The following SORCS1 variants were observed in gnomAD, a reference collection of about 807,000 sequenced individuals.
The protein encoded by SORCS1 is VPS10 domain-containing receptor SorCS1.
SORCS1 carries 60 observed loss-of-function variants against 146.1 expected under a neutral mutation model. That is an observed-to-expected ratio of 0.41 (90% CI 0.33 to 0.51). SORCS1 has a LOEUF of 0.51. Ranked by LOEUF, SORCS1 falls within the 20% of genes least tolerant of loss-of-function variation. The pLI, the probability that SORCS1 is intolerant of heterozygous loss-of-function variation, is 0.21. For missense variants in SORCS1, 1,352 were observed against 1,487.6 expected, an observed-to-expected ratio of 0.91 and a Z score of 1.50; for synonymous variants, 637 against 584.0, an observed-to-expected ratio of 1.09 and a Z score of -1.31.
chr10:106,861,913 G>C (rs1950029641), intron 2 of SORCS1, among the ~76,000 whole-genome samples: 1 of 152,144 alleles, frequency 6.6e-6, no homozygotes, highest in African/African-American at 2.4e-5. Flanking sequence ...CTGTCCTCTA[G>C]GTGTCATAGT....
intron 18 of SORCS1, among the ~76,000 whole-genome samples, chr10:106,639,359 T>C (rs1337997497): frequency 1.3e-5 from 2 of 152,218 alleles, no homozygotes; most frequent in African/African-American, 4.8e-5. Context: ...TCTGGGATGT[T>C]TGCCGAACTG....
At chr10:106,901,435 G>GGTTTT (rs1951695425) in intron 2 of SORCS1, among the ~76,000 whole-genome samples, 3 of 152,048 alleles carry the variant, frequency 2.0e-5, no homozygotes, top group Non-Finnish European at 2.9e-5. Context: ...GCAGTTTTTT[G>GGTTTT]GTTTTGTTTT....
chr10:107,010,506 T>G (rs1275095563), intron 1 of SORCS1, among the ~76,000 whole-genome samples: 3 of 152,168 alleles, frequency 2.0e-5, no homozygotes, highest in African/African-American at 4.8e-5. Context: ...CAGTTAAACA[T>G]CCTGCATCGG....
At chr10:106,791,237 T>C (rs1228494799) in intron 3 of SORCS1, among the ~76,000 whole-genome samples, 2 of 152,230 alleles carry the variant, frequency 1.3e-5, no homozygotes, top group Non-Finnish European at 2.9e-5. Context: ...TTATCATTTT[T>C]ATTGGTGATA....
intron 1 of SORCS1, among the ~76,000 whole-genome samples, chr10:107,076,769 T>A (rs1490114993): frequency 6.6e-6 from 1 of 152,128 alleles, no homozygotes; most frequent in African/African-American, 2.4e-5. Flanking sequence ...AGGTGTTCCC[T>A]GGAGTTTACT....
chr10:106,679,438 T>C, intron 11 of SORCS1, 106 bp from the exon 12 acceptor site: 1 of 1,039,438 alleles, frequency 9.6e-7, no homozygotes, highest in South Asian at 1.5e-5. Context: ...GCAAGCATTC[T>C]GTCTGTGCAG....
intron 6 of SORCS1, among the ~76,000 whole-genome samples, chr10:106,726,180 C>CCT (rs1396305538): frequency 0.014 from 1,559 of 112,040 alleles, 70 homozygotes; most frequent in Middle Eastern, 0.041. Context: ...AATCTCTTTC[C>CCT]CTCTCTTTTT....
intron 25 of SORCS1, 69 bp downstream of exon 25, chr10:106,579,300 A>T (rs910085933): frequency 2.5e-6 from 4 of 1,613,946 alleles, no homozygotes; most frequent in African/African-American, 2.7e-5. Flanking sequence ...ACTGTAACAC[A>T]TGCTTCTGAA....
chr10:106,618,587 A>T (rs560919203), intron 20 of SORCS1, among the ~76,000 whole-genome samples: 1 of 152,310 alleles, frequency 6.6e-6, no homozygotes, highest in South Asian at 2.1e-4. Flanking sequence ...ACCTACTCAT[A>T]TCAAGCAGAT....
At chr10:107,010,412 G>C (rs1175970936) in intron 1 of SORCS1, among the ~76,000 whole-genome samples, 1 of 142,490 alleles carries the variant, frequency 7.0e-6, no homozygotes, top group African/African-American at 2.7e-5. Flanking sequence ...CTAGTTACTT[G>C]CTCACAAGGC....
At chr10:107,006,545 T>C (rs1006598109) in intron 1 of SORCS1, among the ~76,000 whole-genome samples, 3 of 152,196 alleles carry the variant, frequency 2.0e-5, no homozygotes, top group African/African-American at 7.2e-5. Flanking sequence ...CCACCGGGCA[T>C]GGTGGCTCAC....
chr10:106,825,918 T>C (rs1024401061), intron 3 of SORCS1, among the ~76,000 whole-genome samples: 2 of 152,206 alleles, frequency 1.3e-5, no homozygotes, highest in African/African-American at 4.8e-5. Context: ...TTCTATCTCT[T>C]AGTCAAGATT....
At chr10:107,037,486 T>C (rs1018226753) in intron 1 of SORCS1, among the ~76,000 whole-genome samples, 4 of 152,230 alleles carry the variant, frequency 2.6e-5, no homozygotes, top group Admixed American at 2.0e-4. Context: ...TCTATCTGGC[T>C]CCCGGACTCA....
chr10:106,722,120 T>TACACACACACACACACAC (rs140882766), intron 6 of SORCS1, among the ~76,000 whole-genome samples: 343 of 144,346 alleles, frequency 2.4e-3, no homozygotes, highest in African/African-American at 7.9e-3. Flanking sequence ...AATATATAAA[T>TACACACACACACACACAC]ACACACACAC....
At chr10:106,646,928 A>G (rs540479867) in intron 18 of SORCS1, among the ~76,000 whole-genome samples, 2 of 149,786 alleles carry the variant, frequency 1.3e-5, no homozygotes, top group African/African-American at 2.4e-5. Context: ...ATGCATGTAT[A>G]TATGTTTCTT....
intron 9 of SORCS1, among the ~76,000 whole-genome samples, chr10:106,696,416 A>G (rs1223012835): frequency 1.3e-5 from 2 of 152,210 alleles, no homozygotes; most frequent in Non-Finnish European, 2.9e-5. Flanking sequence ...GTCAGCCAAT[A>G]TTCTTTCTAT....
At chr10:106,771,758 T>C (rs1313792404) in intron 4 of SORCS1, among the ~76,000 whole-genome samples, 1 of 152,196 alleles carries the variant, frequency 6.6e-6, no homozygotes, top group Non-Finnish European at 1.5e-5. Context: ...GTATCTATAA[T>C]GTTCCTTTTT....
chr10:106,949,387 A>C (rs954524555), intron 2 of SORCS1, among the ~76,000 whole-genome samples: 5 of 152,162 alleles, frequency 3.3e-5, no homozygotes, highest in African/African-American at 9.7e-5. Flanking sequence ...GTGGAGGAGA[A>C]GGGAGGCGTT....
intron 2 of SORCS1, among the ~76,000 whole-genome samples, chr10:106,849,098 C>A (rs1262100002): frequency 1.4e-5 from 2 of 145,328 alleles, no homozygotes; most frequent in East Asian, 2.1e-4. Flanking sequence ...ATCTTTGTGG[C>A]GTTCTCTGTA....
Sources: allele counts gnomAD v4.1 joint callset (sites outside exome capture counted in the v4.1 genomes callset), GRCh38; gene constraint gnomAD v4.1.1; transcripts MANE v1.5; gene names NCBI Gene and HGNC (gene_info 2026-07-23, HGNC 2026-07-21).